Variants in CCSER1 observed in about 807,000 individuals in gnomAD.
CCSER1 encodes the protein coiled-coil serine rich protein 1.
Under a neutral mutation model 82.0 loss-of-function variants are expected in CCSER1, and 41 were observed. That is an observed-to-expected ratio of 0.50 (90% confidence interval 0.39 to 0.65). CCSER1 has a LOEUF of 0.65. Ranked by LOEUF, CCSER1 falls within the 30% of genes least tolerant of loss-of-function variation. The pLI is 0.00. For missense variants in CCSER1, 1,119 were observed against 1,064.2 expected, an observed-to-expected ratio of 1.05 and a Z score of -0.72; for synonymous variants, 414 against 383.9, an observed-to-expected ratio of 1.08 and a Z score of -0.92.
intron 5 of CCSER1, among the ~76,000 whole-genome samples, chr4:90,621,524 TTTG>T (rs1722324290): frequency 6.6e-6 from 1 of 152,088 alleles, no homozygotes; most frequent in African/African-American, 2.4e-5. Flanking sequence ...CATTTGTTTT[TTTG>T]TTATTACCAT....
At chr4:91,216,383 G>A (rs559914857) in intron 10 of CCSER1, among the ~76,000 whole-genome samples, 83 of 152,220 alleles carry the variant, frequency 5.5e-4, no homozygotes, top group Non-Finnish European at 1.1e-3. Flanking sequence ...GCAGTGGCAC[G>A]ATCTCGGCTC....
chr4:90,773,633 G>T (rs1752523380), intron 7 of CCSER1, among the ~76,000 whole-genome samples: 1 of 152,084 alleles, frequency 6.6e-6, no homozygotes, highest in African/African-American at 2.4e-5. Flanking sequence ...TATATTGAAT[G>T]GAAAACCAGG....
intron 3 of CCSER1, among the ~76,000 whole-genome samples, chr4:90,346,247 A>G (rs1666906311): frequency 6.6e-6 from 1 of 152,106 alleles, no homozygotes; most frequent in South Asian, 2.1e-4. Context: ...AAATATAAAT[A>G]GGCAAAATGT....
chr4:91,405,592 C>T (rs1248406190), intron 10 of CCSER1, among the ~76,000 whole-genome samples: 1 of 152,218 alleles, frequency 6.6e-6, no homozygotes, highest in Non-Finnish European at 1.5e-5. Flanking sequence ...CGCCCCTCCC[C>T]CTGCCTCGGG....
intron 9 of CCSER1, among the ~76,000 whole-genome samples, chr4:90,962,562 G>A (rs778649240): frequency 9.2e-5 from 14 of 152,064 alleles, no homozygotes; most frequent in Non-Finnish European, 2.1e-4. Context: ...GTGCTTCAGT[G>A]GCCCACATAG....
intron 5 of CCSER1, among the ~76,000 whole-genome samples, chr4:90,548,170 G>A (rs1433269177): frequency 6.6e-6 from 1 of 152,106 alleles, no homozygotes; most frequent in African/African-American, 2.4e-5. Flanking sequence ...AGAGGGCCAA[G>A]TCTGGATTTG....
intron 1 of CCSER1, among the ~76,000 whole-genome samples, chr4:90,227,832 TC>T (rs1743505893): frequency 6.6e-6 from 1 of 152,182 alleles, no homozygotes; most frequent in South Asian, 2.1e-4. Context: ...GTCAGGGAGT[TC>T]CCTTTCCTAG....
intron 10 of CCSER1, among the ~76,000 whole-genome samples, chr4:91,567,997 G>A (rs779471704): frequency 4.6e-5 from 7 of 152,082 alleles, no homozygotes; most frequent in African/African-American, 7.2e-5. Context: ...GTATTAGCTA[G>A]TAGAGGTCTT....
intron 10 of CCSER1, among the ~76,000 whole-genome samples, chr4:91,536,393 G>A (rs1306785651): frequency 6.6e-6 from 1 of 151,980 alleles, no homozygotes; most frequent in Non-Finnish European, 1.5e-5. Flanking sequence ...GAGAGAGATA[G>A]GCAGACAAAT....
At chr4:90,778,227 G>A (rs1223607980) in intron 7 of CCSER1, among the ~76,000 whole-genome samples, 2 of 152,092 alleles carry the variant, frequency 1.3e-5, no homozygotes, top group Non-Finnish European at 2.9e-5. Flanking sequence ...GACTAACAAA[G>A]CTAATTTGTT....
At chr4:90,946,350 G>T (rs1158032100) in intron 9 of CCSER1, among the ~76,000 whole-genome samples, 1 of 152,158 alleles carries the variant, frequency 6.6e-6, no homozygotes, top group Non-Finnish European at 1.5e-5. Context: ...TATGGAGGAG[G>T]CTGGGTGCGG....
chr4:91,059,007 C>A (rs1317449710), intron 9 of CCSER1, among the ~76,000 whole-genome samples: 1 of 151,914 alleles, frequency 6.6e-6, no homozygotes, highest in Non-Finnish European at 1.5e-5. Flanking sequence ...GATACCAAAT[C>A]TATTTCCCAC....
At chr4:90,386,595 A>G (rs1271008902) in intron 3 of CCSER1, among the ~76,000 whole-genome samples, 1 of 152,186 alleles carries the variant, frequency 6.6e-6, no homozygotes, top group Non-Finnish European at 1.5e-5. Context: ...AATGACCTAC[A>G]CCAATGATTT....
chr4:90,281,510 T>C (rs2153460709), intron 1 of CCSER1, among the ~76,000 whole-genome samples: 1 of 152,152 alleles, frequency 6.6e-6, no homozygotes, highest in Admixed American at 6.6e-5. Flanking sequence ...AATAATTTTT[T>C]CCATATTTTA....
chr4:90,288,135 G>C (rs1196802760), intron 1 of CCSER1, among the ~76,000 whole-genome samples: 2 of 151,890 alleles, frequency 1.3e-5, no homozygotes, highest in South Asian at 2.1e-4. Context: ...TATTGCAATA[G>C]AATCCTAACT....
At chr4:90,344,900 G>A (rs1220341219) in intron 3 of CCSER1, among the ~76,000 whole-genome samples, 1 of 151,988 alleles carries the variant, frequency 6.6e-6, no homozygotes, top group East Asian at 1.9e-4. Flanking sequence ...TATTCAATGA[G>A]ACTACTTTCT....
At chr4:90,398,095 G>T (rs2153543051) in intron 3 of CCSER1, among the ~76,000 whole-genome samples, 1 of 152,244 alleles carries the variant, frequency 6.6e-6, no homozygotes, top group East Asian at 1.9e-4. Flanking sequence ...TCCTTGGCTT[G>T]CAAATGACCT....
chr4:91,490,735 T>C (rs752714947), intron 10 of CCSER1, among the ~76,000 whole-genome samples: 5 of 149,692 alleles, frequency 3.3e-5, no homozygotes, highest in Non-Finnish European at 7.4e-5. Context: ...ATCTAGTATA[T>C]GTTTTAAAAT....
At chr4:90,426,164 A>G (rs1348753387) in intron 4 of CCSER1, among the ~76,000 whole-genome samples, 1 of 152,196 alleles carries the variant, frequency 6.6e-6, no homozygotes, top group African/African-American at 2.4e-5. Flanking sequence ...CATCAGATGA[A>G]TGACGAATGC....
Sources: allele counts gnomAD v4.1 joint callset (sites outside exome capture counted in the v4.1 genomes callset), GRCh38; gene constraint gnomAD v4.1.1; transcripts MANE v1.5; gene names NCBI Gene and HGNC (gene_info 2026-07-23, HGNC 2026-07-21).